Variants in PDE4D observed in about 807,000 individuals in gnomAD.
PDE4D encodes phosphodiesterase 4D.
Under a neutral mutation model 87.4 loss-of-function variants are expected in PDE4D, and 24 were observed. That is an observed-to-expected ratio of 0.27 (90% CI 0.20 to 0.39). The LOEUF is 0.39. Ranked by LOEUF, PDE4D falls within the 10% of genes least tolerant of loss-of-function variation. The probability of loss-of-function intolerance (pLI) is 1.00; values close to 1 mark genes in which losing one functional copy is unlikely to be tolerated. For synonymous variants in PDE4D, 384 were observed against 383.2 expected (o/e 1.00, Z -0.02); for missense variants, 714 against 1,041.0 (o/e 0.69, Z 4.32).
At chr5:59,814,382 T>C (rs1456322738) in intron 1 of PDE4D, among the ~76,000 whole-genome samples, 2 of 152,166 alleles carry the variant, frequency 1.3e-5, no homozygotes, top group Non-Finnish European at 2.9e-5. Flanking sequence ...CTATCTATAG[T>C]ATTTAACAAT....
At chr5:59,860,585 T>C (rs979536935) in intron 1 of PDE4D, among the ~76,000 whole-genome samples, 1 of 152,154 alleles carries the variant, frequency 6.6e-6, no homozygotes, top group Non-Finnish European at 1.5e-5. Context: ...AAGATGAAAA[T>C]AGGTTTAAAT....
At chr5:59,625,262 A>G (rs1430944706) in intron 1 of PDE4D, among the ~76,000 whole-genome samples, 2 of 152,210 alleles carry the variant, frequency 1.3e-5, no homozygotes, top group African/African-American at 4.8e-5. Context: ...AGAATCCAAG[A>G]GTGGCCTCTA....
chr5:60,475,823 GAAAAAA>G (rs397792795), intron 1 of PDE4D, among the ~76,000 whole-genome samples: 1 of 95,064 alleles, frequency 1.1e-5, no homozygotes, highest in Non-Finnish European at 2.2e-5. Flanking sequence ...TCTGTTAAAT[GAAAAAA>G]AAAAAAAAAA....
chr5:60,334,291 T>A (rs1179426208), intron 1 of PDE4D, among the ~76,000 whole-genome samples: 3 of 152,208 alleles, frequency 2.0e-5, no homozygotes, highest in Admixed American at 6.6e-5. Flanking sequence ...TAACTCCTTC[T>A]GATTTGATAA....
chr5:59,957,705 G>A (rs1484803786), intron 3 of PDE4D, among the ~76,000 whole-genome samples: 1 of 151,998 alleles, frequency 6.6e-6, no homozygotes. Context: ...TGAGGTAGCA[G>A]ACTTCAAATG....
chr5:59,934,087 G>A (rs1374962873), intron 3 of PDE4D, among the ~76,000 whole-genome samples: 4 of 152,014 alleles, frequency 2.6e-5, no homozygotes, highest in Non-Finnish European at 2.9e-5. Context: ...AGGCTCAAAC[G>A]ATTCTCCTGC....
intron 1 of PDE4D, among the ~76,000 whole-genome samples, chr5:59,698,009 A>G (rs1252635894): frequency 6.6e-6 from 1 of 152,216 alleles, no homozygotes; most frequent in Non-Finnish European, 1.5e-5. Context: ...TCCTCTCTCA[A>G]GCAGTTTAGT....
intron 1 of PDE4D, among the ~76,000 whole-genome samples, chr5:59,617,612 C>T (rs1052021874): frequency 3.3e-5 from 5 of 152,156 alleles, no homozygotes; most frequent in Admixed American, 2.6e-4. Flanking sequence ...GAGACAAACA[C>T]GTACACAGAA....
At chr5:60,269,772 T>C (rs1475699731) in intron 1 of PDE4D, among the ~76,000 whole-genome samples, 2 of 152,244 alleles carry the variant, frequency 1.3e-5, no homozygotes, top group Non-Finnish European at 2.9e-5. Context: ...GTTTAATCAT[T>C]TCACAATGTA....
chr5:59,074,021 C>T (rs1281480907), intron 5 of PDE4D, among the ~76,000 whole-genome samples: 1 of 152,132 alleles, frequency 6.6e-6, no homozygotes, highest in Non-Finnish European at 1.5e-5. Flanking sequence ...TCACTACCTT[C>T]TTATTATATA....
intron 1 of PDE4D, among the ~76,000 whole-genome samples, chr5:59,773,314 C>G (rs1212326530): frequency 2.0e-5 from 3 of 152,074 alleles, no homozygotes; most frequent in African/African-American, 7.2e-5. Context: ...CTATGAGGTG[C>G]CAGAGCCTCT....
At chr5:60,043,493 A>G (rs971976591) in intron 2 of PDE4D, among the ~76,000 whole-genome samples, 7 of 152,120 alleles carry the variant, frequency 4.6e-5, no homozygotes, top group Non-Finnish European at 8.8e-5. Flanking sequence ...ACACATAATC[A>G]TCAGATTCAC....
At chr5:59,083,985 G>T (rs1022135707) in intron 5 of PDE4D, among the ~76,000 whole-genome samples, 2 of 151,966 alleles carry the variant, frequency 1.3e-5, no homozygotes, top group Admixed American at 1.3e-4. Context: ...ATCTTAATGG[G>T]TTTTTTTGGG....
At chr5:59,444,195 A>T (rs2153637419) in intron 1 of PDE4D, among the ~76,000 whole-genome samples, 1 of 152,330 alleles carries the variant, frequency 6.6e-6, no homozygotes, top group Admixed American at 6.5e-5. Context: ...AGAAAACAAG[A>T]GAAAGCTTCT....
chr5:59,784,284 T>C (rs1319679498), intron 1 of PDE4D, among the ~76,000 whole-genome samples: 1 of 151,806 alleles, frequency 6.6e-6, no homozygotes, highest in Non-Finnish European at 1.5e-5. Flanking sequence ...CTTTTCAAAT[T>C]TATGGATGTA....
chr5:59,003,966 TA>T lies in PDE4D; in HGVS notation c.922-10502del, dbSNP rs35092276. On this transcript the variant is annotated intron_variant, in intron 6 of 14. Coordinates refer to ENST00000340635, the MANE Select transcript of PDE4D (RefSeq NM_001104631.2). ...CAGGCTCACTGCCTTCCCCCTCCTTTAAAAAAAAAAAAATCCATCCATCCAT... is the reference window on the plus strand; with the variant it reads ...CAGGCTCACTGCCTTCCCCCTCCTTTAAAAAAAAAAAATCCATCCATCCAT... Among the ~76,000 whole-genome samples, 452 of 146,816 alleles carry T rather than the reference TA, an allele frequency of 3.1e-3. 1 individual carries two copies. The highest frequency in any genetic ancestry group is 7.5e-3 in the Middle Eastern group (2 of 266).
At chr5:59,668,860 A>G (rs865914991) in intron 1 of PDE4D, among the ~76,000 whole-genome samples, 1,158 of 67,548 alleles carry the variant, frequency 0.017, 84 homozygotes, top group African/African-American at 0.071. Flanking sequence ...AAGAAGAAGA[A>G]GAAGAAGAAG....
chr5:59,880,157 G>A (rs958083656), intron 1 of PDE4D, among the ~76,000 whole-genome samples: 1 of 151,744 alleles, frequency 6.6e-6, no homozygotes, highest in Non-Finnish European at 1.5e-5. Flanking sequence ...GCTGGATTGC[G>A]CAGCACAGCA....
At chr5:59,444,086 G>A (rs1798015174) in intron 1 of PDE4D, among the ~76,000 whole-genome samples, 1 of 152,166 alleles carries the variant, frequency 6.6e-6, no homozygotes, top group Non-Finnish European at 1.5e-5. Context: ...TCTTCACAGG[G>A]AACTATAATT....
Sources: gnomAD v4.1 joint callset for allele counts (sites outside exome capture counted in the v4.1 genomes callset) on GRCh38, gnomAD v4.1.1 for gene constraint, MANE v1.5 for transcripts, NCBI Gene and HGNC (gene_info 2026-07-23, HGNC 2026-07-21) for gene names.